The following DNAJC10 variants were observed in gnomAD, a reference collection of about 807,000 sequenced individuals.
DNAJC10 encodes the protein endoplasmic reticulum disulfide reductase DNAJC10.
In DNAJC10, 101 loss-of-function variants were observed where a neutral mutation model predicts 115.0. That is an observed-to-expected ratio of 0.88 (90% CI 0.75 to 1.04). The LOEUF (loss-of-function observed/expected upper bound fraction) is 1.04, where lower values mean the gene tolerates loss of function less well. DNAJC10 is among the 50% of genes least tolerant of loss of function. The pLI, the probability that DNAJC10 is intolerant of heterozygous loss-of-function variation, is 0.00. For missense variants in DNAJC10, 981 were observed against 928.8 expected, an observed-to-expected ratio of 1.06 and a Z score of -0.73; for synonymous variants, 307 against 301.5, an observed-to-expected ratio of 1.02 and a Z score of -0.19.
intron 10 of DNAJC10, 27 bp downstream of exon 10, chr2:182,732,569 A>T (rs768334343): frequency 1.2e-6 from 2 of 1,606,010 alleles, no homozygotes; most frequent in Non-Finnish European, 1.7e-6. Flanking sequence ...TTGTAAAACT[A>T]TATCACCATG....
intron 12 of DNAJC10, 33 bp from the exon 13 acceptor site, chr2:182,741,210 C>T: frequency 1.4e-6 from 2 of 1,422,890 alleles, no homozygotes; most frequent in Non-Finnish European, 2.0e-6. Flanking sequence ...AATTTCCCAT[C>T]TCTGACATTT....
At chr2:182,769,444 A>G (rs1237973909) in intron 22 of DNAJC10, among the ~76,000 whole-genome samples, 2 of 152,100 alleles carry the variant, frequency 1.3e-5, no homozygotes, top group Admixed American at 6.5e-5. Flanking sequence ...TCCCACCAAC[A>G]GTGTAAAAGT....
At chr2:182,722,372 T>C (rs1349327531) in intron 5 of DNAJC10, among the ~76,000 whole-genome samples, 1 of 152,202 alleles carries the variant, frequency 6.6e-6, no homozygotes, top group African/African-American at 2.4e-5. Context: ...GCAAAACTTC[T>C]CAGAGCTTTT....
In DNAJC10 at chr2:182,745,912, C is replaced by G. The variant is rs545375832; in HGVS notation, c.1306+2200C>G. Among the ~76,000 whole-genome samples, 12 of 152,134 alleles carry G rather than the reference C, an allele frequency of 7.9e-5. No homozygotes were observed. The East Asian group carries it at 2.3e-3, about 29-fold the overall frequency. ...ACTCCCCCCACCCCACAACAGTACCCAGAGTGTGATATTCCCTTCCTGTGT... is the reference window on the plus strand; with the variant it reads ...ACTCCCCCCACCCCACAACAGTACCGAGAGTGTGATATTCCCTTCCTGTGT... On this transcript the variant is annotated intron_variant, in intron 14 of 23. Transcript: ENST00000264065.
intron 3 of DNAJC10, among the ~76,000 whole-genome samples, chr2:182,719,663 G>T (rs1693095070): frequency 1.3e-5 from 2 of 151,940 alleles, no homozygotes; most frequent in South Asian, 4.2e-4. Flanking sequence ...ATTGTTATAG[G>T]AGTAAAAAAT....
chr2:182,791,161 T>A lies in DNAJC10; in HGVS notation c.*14029T>A, dbSNP rs1386020574. On this transcript the variant is annotated 3_prime_UTR_variant, in exon 24 of 24. Coordinates refer to ENST00000264065, the MANE Select transcript of DNAJC10 (RefSeq NM_018981.4). ...GTAGGGCAATTCATTCATTATGAGA[T>A]CAAGCCATAAAATTTAAATCCAAGC... 2.0e-5 allele frequency: 3 copies of A among 152,102 alleles called. No individual in the cohort carries two copies. Among genetic ancestry groups the A allele is most frequent in the African/African-American group, 4.8e-5 (2 of 41,428 alleles). The allele number at this position is 152,102 out of a possible 1,614,324, so 9.4% of individuals were successfully genotyped here. A position where few individuals can be genotyped will look rare whatever the true frequency, so the allele number is the denominator to read the frequency against.
At position 182,781,209 on chromosome 2, in the gene DNAJC10, CAT is replaced by C. The variant is rs1694838178; in HGVS notation, c.*4078_*4079del. On this transcript the variant is annotated 3_prime_UTR_variant, in exon 24 of 24. Transcript: ENST00000264065. Reference sequence around the variant, plus strand: ...TTCAACTCCCACTTACGAGTGACAACATGTGGTGTTTGGTTTTCTGTTCCTGT... The same window carrying C: ...TTCAACTCCCACTTACGAGTGACAACGTGGTGTTTGGTTTTCTGTTCCTGT... 1 of 152,066 alleles carries C rather than the reference CAT, an allele frequency of 6.6e-6. No homozygotes were observed. 9.4% of individuals were successfully genotyped at this position (152,066 alleles called of 1,614,324 possible). A position where few individuals can be genotyped will look rare whatever the true frequency, so the allele number is the denominator to read the frequency against.
intron 11 of DNAJC10, chr2:182,739,651 A>T (rs1693681696): frequency 9.0e-7 from 1 of 1,110,588 alleles, no homozygotes. Context: ...AGGGCCTTTT[A>T]TACTCGTTTG....
intron 19 of DNAJC10, among the ~76,000 whole-genome samples, chr2:182,758,472 T>C (rs1694211662): frequency 6.6e-6 from 1 of 152,228 alleles, no homozygotes; most frequent in Admixed American, 6.5e-5. Flanking sequence ...ATTTTGTAGG[T>C]AGTTTTTGAC....
chr2:182,737,207 G>T (rs1693606810), intron 11 of DNAJC10, among the ~76,000 whole-genome samples: 1 of 152,180 alleles, frequency 6.6e-6, no homozygotes, highest in Non-Finnish European at 1.5e-5. Flanking sequence ...GGAAACTGAA[G>T]CTCAATCTAG....
At chr2:182,738,865 A>T (rs1693654831) in intron 11 of DNAJC10, among the ~76,000 whole-genome samples, 2 of 152,236 alleles carry the variant, frequency 1.3e-5, no homozygotes, top group African/African-American at 4.8e-5. Flanking sequence ...AAAATATAAA[A>T]CAGTATGCCA....
rs1045319970 is a variant in DNAJC10 at position 182,790,335 on chromosome 2, T to C, written c.*13203T>C. ...AAATGCTTCTAGCTTATTCGTTTAGTTTACATGACTTTCTGCATGTGAAAC... is the reference window on the plus strand; with the variant it reads ...AAATGCTTCTAGCTTATTCGTTTAGCTTACATGACTTTCTGCATGTGAAAC... On this transcript the variant is annotated 3_prime_UTR_variant, in exon 24 of 24. Transcript: ENST00000264065. 1 of 152,218 alleles carries C rather than the reference T, an allele frequency of 6.6e-6. No homozygotes were observed. The highest frequency in any genetic ancestry group is 1.5e-5 in the Non-Finnish European group (1 of 68,040). 9.4% of individuals were successfully genotyped at this position (152,218 alleles called of 1,614,324 possible).
chr2:182,749,431 G>T (rs1353264855), intron 14 of DNAJC10, among the ~76,000 whole-genome samples: 5 of 147,542 alleles, frequency 3.4e-5, no homozygotes, highest in South Asian at 2.2e-4. Flanking sequence ...TGTCTCTTTT[G>T]ATCTTTGTTG....
Position 182,762,565 on chromosome 2 carries a change from A to T in DNAJC10, c.2146-117A>T, listed in dbSNP as rs1694312128. 3.7e-6 allele frequency: 4 copies of T among 1,086,206 alleles called. No individual in the cohort carries two copies. In the Admixed American group the frequency reaches 1.0e-4, roughly 27 times the overall value. 67.3% of individuals were successfully genotyped at this position (1,086,206 alleles called of 1,614,324 possible). On this transcript the variant is annotated intron_variant, in intron 21 of 23. Coordinates refer to ENST00000264065, the MANE Select transcript of DNAJC10 (RefSeq NM_018981.4). ...GAAATAATCTTGTTTGAGTAGGAAG[A>T]ATTAAAGTTTTTTAAATAAATTCTT...
rs1431603010 is a variant in DNAJC10, at chr2:182,787,183, G to GC, written c.*10053dup. The GC allele has an allele frequency of 2.0e-5, 3 of 152,272 alleles. No individual in the cohort carries two copies. Among genetic ancestry groups the GC allele is most frequent in the African/African-American group, 7.2e-5 (3 of 41,450 alleles). 9.4% of individuals were successfully genotyped at this position (152,272 alleles called of 1,614,324 possible). A position where few individuals can be genotyped will look rare whatever the true frequency, so the allele number is the denominator to read the frequency against. ...TTGCAGTTCCACTGGTCAGGTGAATGCCAGAGGAGCTGGTCCACAGTCATA... is the reference window on the plus strand; with the variant it reads ...TTGCAGTTCCACTGGTCAGGTGAATGCCCAGAGGAGCTGGTCCACAGTCATA... On this transcript the variant is annotated 3_prime_UTR_variant, in exon 24 of 24. Coordinates refer to ENST00000264065, the MANE Select transcript of DNAJC10 (RefSeq NM_018981.4).
In DNAJC10 at chr2:182,720,035, T is replaced by A. The variant is rs1693109206; in HGVS notation, c.233T>A (p.Leu78Ter). The A allele has an allele frequency of 7.0e-6, 11 of 1,576,762 alleles. No homozygotes were observed. Among genetic ancestry groups the A allele is most frequent in the Non-Finnish European group, 9.5e-6 (11 of 1,153,936 alleles). Residue 78 changes from leucine to a stop codon, truncating the protein, a stop_gained, in exon 4 of 24, where the codon TTA becomes TAA. Transcript: ENST00000264065. LOFTEE classifies it high-confidence loss of function. ...AACCCAAATGCACATGGCGATTTTT[T>A]AAAAATAAATAGAGCATATGAAGTA... ...PNNPNAHGDF[L>*]KINRAYEVLK...
Position 182,775,398 on chromosome 2 carries a change from G to A in DNAJC10, c.2348G>A (p.Arg783Gln), listed in dbSNP as rs375455316. Residue 783 changes from arginine to glutamine, a missense_variant, in exon 23 of 24, where the codon CGA becomes CAA. Physicochemically the swap from Arg to Gln is conservative, Grantham distance 43. Transcript: ENST00000264065. Reference sequence around the variant, plus strand: ...ATAAGTGAAAAATTGGAAACTCTCCGAAATCAAGGCAAGAGGAATAAGGTA... The same window carrying A: ...ATAAGTGAAAAATTGGAAACTCTCCAAAATCAAGGCAAGAGGAATAAGGTA... Reference protein sequence around the residue: ...ALISEKLETLRNQGKRNKDEL With the variant: ...ALISEKLETLQNQGKRNKDEL 2.1e-5 allele frequency: 34 copies of A among 1,612,298 alleles called. No homozygotes were observed. Among genetic ancestry groups the A allele is most frequent in the South Asian group, 3.3e-5 (3 of 90,958 alleles).
At position 182,751,656 on chromosome 2, in the gene DNAJC10, A is replaced by G; in HGVS notation, c.1307-2A>G. On this transcript the variant is annotated splice_acceptor_variant, in intron 14 of 23. Transcript: ENST00000264065. LOFTEE classifies it high-confidence loss of function. ...TTGAATTTCTCTCATTCACTTTGAA[A>G]GGAAAGAAGATTCTATATGATATAC... 1.2e-6 allele frequency: 2 copies of G among 1,610,612 alleles called. No homozygotes were observed. The highest frequency in any genetic ancestry group is 1.7e-6 in the Non-Finnish European group (2 of 1,179,130).
chr2:182,750,165 A>G (rs1693979529), intron 14 of DNAJC10, among the ~76,000 whole-genome samples: 1 of 152,222 alleles, frequency 6.6e-6, no homozygotes, highest in Non-Finnish European at 1.5e-5. Flanking sequence ...AGAGAGAGTC[A>G]AGAATAATAC....
Sources: gnomAD v4.1 joint callset for allele counts (sites outside exome capture counted in the v4.1 genomes callset) on GRCh38, gnomAD v4.1.1 for gene constraint, MANE v1.5 for transcripts, NCBI Gene and HGNC (gene_info 2026-07-23, HGNC 2026-07-21) for gene names.